Variants in COMMD10 observed in about 807,000 individuals in gnomAD.
COMMD10 encodes the protein COMM domain containing 10.
In COMMD10, 33 loss-of-function variants were observed where a neutral mutation model predicts 28.9. That is an observed-to-expected ratio of 1.14 (90% confidence interval 0.87 to 1.53). The LOEUF is 1.53. COMMD10 is among the 40% of genes most tolerant of loss of function. COMMD10 has a pLI of 0.00. For synonymous variants in COMMD10, 110 were observed against 81.7 expected (o/e 1.35, Z -1.87); for missense variants, 310 against 233.4 (o/e 1.33, Z -2.14).
intron 5 of COMMD10, among the ~76,000 whole-genome samples, chr5:116,138,246 T>C (rs1752088361): frequency 6.6e-6 from 1 of 151,876 alleles, no homozygotes; most frequent in African/African-American, 2.4e-5. Context: ...ATGAAATATA[T>C]TAAAAGCTTT....
chr5:116,254,682 A>G (rs371955236), intron 5 of COMMD10, among the ~76,000 whole-genome samples: 1 of 151,552 alleles, frequency 6.6e-6, no homozygotes, highest in Non-Finnish European at 1.5e-5. Context: ...ATAATTTCTG[A>G]TCTTTTACAT....
chr5:116,242,513 GT>G (rs1580575990), intron 5 of COMMD10, among the ~76,000 whole-genome samples: 1 of 152,278 alleles, frequency 6.6e-6, no homozygotes, highest in East Asian at 1.9e-4. Context: ...GAGAACTGGG[GT>G]TTAGATTGAG....
At chr5:116,146,179 A>G (rs1371338355) in intron 5 of COMMD10, among the ~76,000 whole-genome samples, 1 of 151,822 alleles carries the variant, frequency 6.6e-6, no homozygotes, top group Non-Finnish European at 1.5e-5. Context: ...ACCCTGCATC[A>G]CCTTGGAAAC....
intron 4 of COMMD10, among the ~76,000 whole-genome samples, chr5:116,123,927 A>T (rs1580464945): frequency 1.3e-5 from 2 of 150,398 alleles, no homozygotes; most frequent in Admixed American, 6.6e-5. Flanking sequence ...CCCCTTTATC[A>T]TTTTTTTTTA....
intron 5 of COMMD10, among the ~76,000 whole-genome samples, chr5:116,191,472 G>A (rs1297686407): frequency 6.7e-6 from 1 of 150,366 alleles, no homozygotes; most frequent in East Asian, 2.0e-4. Flanking sequence ...GAGTGAGACT[G>A]GCCCTTTGGT....
intron 5 of COMMD10, among the ~76,000 whole-genome samples, chr5:116,209,772 G>A (rs1580550633): frequency 6.6e-6 from 1 of 152,148 alleles, no homozygotes; most frequent in South Asian, 2.1e-4. Context: ...TATATTTACA[G>A]TTTTTTTGGA....
At chr5:116,165,528 T>C (rs1753060606) in intron 5 of COMMD10, among the ~76,000 whole-genome samples, 1 of 152,178 alleles carries the variant, frequency 6.6e-6, no homozygotes, top group South Asian at 2.1e-4. Flanking sequence ...TGGTTTCTGG[T>C]GAGGGCTGTC....
At chr5:116,195,672 A>G (rs548155234) in intron 5 of COMMD10, among the ~76,000 whole-genome samples, 1 of 152,304 alleles carries the variant, frequency 6.6e-6, no homozygotes, top group Admixed American at 6.5e-5. Flanking sequence ...GACCCAAACA[A>G]ATGGAAGCAC....
At chr5:116,291,740 A>C (rs1258295580) in intron 6 of COMMD10, among the ~76,000 whole-genome samples, 164 bp downstream of exon 6, 1 of 151,196 alleles carries the variant, frequency 6.6e-6, no homozygotes, top group Admixed American at 6.6e-5. Context: ...AGCAGAAATG[A>C]AGAGAATTTG....
chr5:116,196,874 G>C (rs1024930848), intron 5 of COMMD10, among the ~76,000 whole-genome samples: 1 of 151,976 alleles, frequency 6.6e-6, no homozygotes, highest in African/African-American at 2.4e-5. Context: ...ACTGAACAAA[G>C]CCTAAAAATT....
At chr5:116,137,948 G>T (rs1198841753) in intron 5 of COMMD10, among the ~76,000 whole-genome samples, 1 of 151,984 alleles carries the variant, frequency 6.6e-6, no homozygotes, top group Admixed American at 6.6e-5. Flanking sequence ...ACCTCAAATC[G>T]AGTTTTCTGA....
chr5:116,103,751 A>C (rs1361346165), intron 4 of COMMD10, among the ~76,000 whole-genome samples: 1 of 152,206 alleles, frequency 6.6e-6, no homozygotes, highest in Non-Finnish European at 1.5e-5. Flanking sequence ...TATGACCTGA[A>C]TGGTATTGCA....
intron 5 of COMMD10, among the ~76,000 whole-genome samples, chr5:116,221,546 C>G (rs558232879): frequency 4.6e-5 from 7 of 152,266 alleles, no homozygotes; most frequent in African/African-American, 1.7e-4. Flanking sequence ...AGTTACAGAA[C>G]CCTGGTGAGA....
chr5:116,181,774 A>T (rs1747975133), intron 5 of COMMD10, among the ~76,000 whole-genome samples: 6 of 152,104 alleles, frequency 3.9e-5, no homozygotes, highest in Admixed American at 3.3e-4. Flanking sequence ...ACTTCTGGCA[A>T]CATGATCTTG....
intron 4 of COMMD10, among the ~76,000 whole-genome samples, chr5:116,103,783 T>A (rs1750741980): frequency 6.6e-6 from 1 of 152,240 alleles, no homozygotes; most frequent in Non-Finnish European, 1.5e-5. Context: ...TTAGGGTTTT[T>A]ATGATTTTTA....
intron 5 of COMMD10, among the ~76,000 whole-genome samples, chr5:116,164,997 A>G (rs1753044047): frequency 6.6e-6 from 1 of 152,216 alleles, no homozygotes; most frequent in Admixed American, 6.5e-5. Flanking sequence ...GTCAGTGATA[A>G]AGTCAGTATT....
chr5:116,117,811 AC>A (rs1166272550), intron 4 of COMMD10, among the ~76,000 whole-genome samples: 3 of 152,196 alleles, frequency 2.0e-5, no homozygotes, highest in Non-Finnish European at 2.9e-5. Flanking sequence ...TTTTAAAAAA[AC>A]GTTTTGTATA....
chr5:116,178,619 A>G (rs908875935), intron 5 of COMMD10, among the ~76,000 whole-genome samples: 1 of 152,104 alleles, frequency 6.6e-6, no homozygotes, highest in Non-Finnish European at 1.5e-5. Context: ...AACATTCACT[A>G]TTCTAATTCC....
At chr5:116,141,840 A>G (rs146290007) in intron 5 of COMMD10, among the ~76,000 whole-genome samples, 78 of 151,824 alleles carry the variant, frequency 5.1e-4, no homozygotes, top group Non-Finnish European at 9.7e-4. Context: ...TACTGAATTT[A>G]TTTGTTCATT....
Sources: allele counts gnomAD v4.1 joint callset (sites outside exome capture counted in the v4.1 genomes callset), GRCh38; gene constraint gnomAD v4.1.1; transcripts MANE v1.5; gene names NCBI Gene and HGNC (gene_info 2026-07-23, HGNC 2026-07-21).